Variants in DPP8 observed in about 807,000 individuals in gnomAD.
DPP8 encodes DPP VIII.
In DPP8, 31 loss-of-function variants were observed where a neutral mutation model predicts 107.5. The observed-to-expected ratio is 0.29, with a 90% confidence interval of 0.22 to 0.39. The LOEUF is 0.39. DPP8 is among the 10% of genes least tolerant of loss of function. The probability of loss-of-function intolerance (pLI) is 1.00; values close to 1 mark genes in which losing one functional copy is unlikely to be tolerated. For synonymous variants in DPP8, 381 were observed against 356.6 expected (o/e 1.07, Z -0.77); for missense variants, 842 against 1,076.1 (o/e 0.78, Z 3.04).
chr15:65,452,131 G>A (rs1253025750), intron 17 of DPP8, 29 bp from the exon 18 acceptor site: 1 of 1,589,094 alleles, frequency 6.3e-7, no homozygotes, highest in Non-Finnish European at 8.5e-7. Context: ...ACAGTCAAGT[G>A]TGGTCTGGAA....
chr15:65,473,369 G>A (rs2066090020), intron 12 of DPP8, among the ~76,000 whole-genome samples: 1 of 150,934 alleles, frequency 6.6e-6, no homozygotes, highest in Non-Finnish European at 1.5e-5. Flanking sequence ...AGAGAAGACA[G>A]ACAGACTAAC....
chr15:65,516,107 G>A (rs956661709), intron 1 of DPP8: 1 of 288,910 alleles, frequency 3.5e-6, no homozygotes. Context: ...AAGTTACTCA[G>A]TGACTATTGC....
At position 65,476,838 on chromosome 15, in the gene DPP8, A is replaced by G. The variant is rs188035566; in HGVS notation, c.1456+2042T>C. Among the ~76,000 whole-genome samples the G allele has an allele frequency of 9.2e-5, 14 of 152,330 alleles. No homozygotes were observed. The East Asian group carries it at 2.3e-3, about 25-fold the overall frequency. Reference sequence around the variant, plus strand: ...CAGATAAACAAAATGTGGTATATACATACAACGAAACCTTACTCAGCCCTA... The same window carrying G: ...CAGATAAACAAAATGTGGTATATACGTACAACGAAACCTTACTCAGCCCTA... On this transcript the variant is annotated intron_variant, in intron 11 of 19. Transcript: ENST00000300141.
intron 12 of DPP8, among the ~76,000 whole-genome samples, chr15:65,472,766 G>A (rs533125368): frequency 2.0e-5 from 3 of 152,250 alleles, no homozygotes; most frequent in East Asian, 1.9e-4. Flanking sequence ...TTGGCCAGGC[G>A]TGGTGGTTCA....
At chr15:65,462,125 C>T (rs943643434) in intron 15 of DPP8, among the ~76,000 whole-genome samples, 1 of 151,912 alleles carries the variant, frequency 6.6e-6, no homozygotes, top group South Asian at 2.1e-4. Flanking sequence ...TCTGCCACTG[C>T]GCCCGACTAA....
intron 3 of DPP8, among the ~76,000 whole-genome samples, chr15:65,501,495 A>C (rs968077842): frequency 1.3e-5 from 2 of 152,230 alleles, no homozygotes; most frequent in African/African-American, 4.8e-5. Flanking sequence ...AAAGTAGCTT[A>C]ATTTATTCAA....
intron 14 of DPP8, among the ~76,000 whole-genome samples, chr15:65,465,831 C>T (rs2065302893): frequency 2.0e-5 from 3 of 152,200 alleles, no homozygotes; most frequent in Non-Finnish European, 2.9e-5. Flanking sequence ...GCTGGGATTA[C>T]ACGTGTGAGC....
chr15:65,509,272 G>A (rs1200392313), intron 2 of DPP8, among the ~76,000 whole-genome samples: 3 of 152,094 alleles, frequency 2.0e-5, no homozygotes, highest in East Asian at 3.9e-4. Context: ...ATCCTTCTAA[G>A]AGCCTTCAGT....
Position 65,487,692 on chromosome 15 carries a change from G to C in DPP8, c.953C>G (p.Thr318Arg). The part of the protein sequence containing the change: ...RRADSFRYPK[T>R]GTANPKVTFK... ...TAAATGCCAATGGAGTACAGTACCT[G>C]TTTTAGGATAACGGAATGAATCTGC... is the stretch of plus-strand genomic sequence containing the variant. The change falls in exon 7 of 20, where the codon ACA (threonine) becomes AGA (arginine). Residue 318 changes from threonine (T) to arginine (R), a missense_variant and splice_region_variant. By Grantham distance (71) the Thr-to-Arg change is moderately conservative. Coordinates refer to ENST00000300141, the MANE Select transcript of DPP8 (RefSeq NM_130434.5). The C allele has an allele frequency of 1.2e-6, 2 of 1,607,726 alleles. No individual in the cohort carries two copies. The highest frequency in any genetic ancestry group is 1.7e-6 in the Non-Finnish European group (2 of 1,177,630).
intron 15 of DPP8, among the ~76,000 whole-genome samples, chr15:65,460,180 G>A (rs765330991): frequency 1.1e-4 from 16 of 151,964 alleles, no homozygotes; most frequent in Non-Finnish European, 1.6e-4. Context: ...GGTGGGTTAC[G>A]TCTGTAATAC....
intron 3 of DPP8, chr15:65,502,782 T>C (rs1236600347): frequency 6.6e-6 from 1 of 152,108 alleles, no homozygotes; most frequent in Non-Finnish European, 1.5e-5. Context: ...TTATTAACAT[T>C]AGTGTCACTA....
chr15:65,505,979 A>G (rs1234440968), intron 3 of DPP8, among the ~76,000 whole-genome samples: 1 of 150,696 alleles, frequency 6.6e-6, no homozygotes, highest in Non-Finnish European at 1.5e-5. Flanking sequence ...TAGTTGTTAT[A>G]AAAGTTTTTT....
intron 5 of DPP8, among the ~76,000 whole-genome samples, chr15:65,490,885 C>A (rs970668068): frequency 6.6e-6 from 1 of 152,058 alleles, no homozygotes. Context: ...TGAGGCCAGG[C>A]GTGGTGGCTC....
chr15:65,471,646 C>G (rs1308880386), intron 12 of DPP8, among the ~76,000 whole-genome samples: 1 of 151,974 alleles, frequency 6.6e-6, no homozygotes, highest in Non-Finnish European at 1.5e-5. Flanking sequence ...CCCACCACAC[C>G]TGCCTAATTT....
chr15:65,445,419 C>A lies in DPP8; in HGVS notation c.*1465G>T, dbSNP rs1595817592. The A allele has an allele frequency of 6.5e-6, 1 of 152,846 alleles. No individual in the cohort carries two copies. The highest frequency in any genetic ancestry group is 1.9e-4 in the East Asian group (1 of 5,184). 9.5% of individuals were successfully genotyped at this position (152,846 alleles called of 1,614,324 possible). A position where few individuals can be genotyped will look rare whatever the true frequency, so the allele number is the denominator to read the frequency against. On this transcript the variant is annotated 3_prime_UTR_variant, in exon 20 of 20. Transcript: ENST00000300141. ...GTGTCAATGTGACCAATCTAGCACC[C>A]CAAGACTCTAACAGGGCAGATCTCA... is the stretch of plus-strand genomic sequence containing the variant.
At position 65,474,950 on chromosome 15, in the gene DPP8, T is replaced by C. The variant is rs552753767; in HGVS notation, c.1457-662A>G. Among the ~76,000 whole-genome samples, 54 of 152,216 alleles carry C rather than the reference T, an allele frequency of 3.5e-4. 1 individual carries two copies. In the South Asian group the frequency reaches 0.011, roughly 31 times the overall value. ...AGCCAGAGGAAAACTCAAAAGCACC[T>C]GCATTCTTGAACCTTTGGTTAGACA... On this transcript the variant is annotated intron_variant, in intron 11 of 19. Coordinates refer to ENST00000300141, the MANE Select transcript of DPP8 (RefSeq NM_130434.5).
chr15:65,507,270 A>T lies in DPP8; in HGVS notation c.345T>A (p.Ser115=). 1 of 1,608,350 alleles carries T rather than the reference A, an allele frequency of 6.2e-7. No individual in the cohort carries two copies. The highest frequency in any genetic ancestry group is 8.5e-7 in the Non-Finnish European group (1 of 1,176,890). The change falls in exon 3 of 20, where the codon TCT becomes TCA. Residue 115 remains serine (S), a synonymous_variant. Coordinates refer to ENST00000300141, the MANE Select transcript of DPP8 (RefSeq NM_130434.5). ...GAAAAAGATCCAAAAGAGGCTTCCA[A>T]GAGAGCATTAAGACTGCTGCTCTAT... ...TINRAAVLML[S]WKPLLDLFQA...
At chr15:65,489,611 G>T (rs2067809903) in intron 6 of DPP8, among the ~76,000 whole-genome samples, 1 of 149,282 alleles carries the variant, frequency 6.7e-6, no homozygotes, top group African/African-American at 2.5e-5. Flanking sequence ...GTAGAGGCAG[G>T]GTTTCACGGT....
In DPP8 at chr15:65,500,603, T is replaced by TA; in HGVS notation, c.546+2dup. The TA allele has an allele frequency of 6.2e-7, 1 of 1,613,324 alleles. No individual in the cohort carries two copies. The highest frequency in any genetic ancestry group is 8.5e-7 in the Non-Finnish European group (1 of 1,179,384). On this transcript the variant is annotated splice_region_variant and intron_variant, in intron 4 of 19. Coordinates refer to ENST00000300141, the MANE Select transcript of DPP8 (RefSeq NM_130434.5). ...GATTTAATCACTAGCAACTCCAACT[T>TA]ACCGTAAATCCTTGTGGCCCTCCAT...
Sources: allele counts gnomAD v4.1 joint callset (sites outside exome capture counted in the v4.1 genomes callset), GRCh38; gene constraint gnomAD v4.1.1; transcripts MANE v1.5; gene names NCBI Gene and HGNC (gene_info 2026-07-23, HGNC 2026-07-21).